The following SHC3 variants were observed in gnomAD, a reference collection of about 807,000 sequenced individuals.
SHC3 encodes SHC-transforming protein 3.
Under a neutral mutation model 60.4 loss-of-function variants are expected in SHC3, and 15 were observed. The observed-to-expected ratio is 0.25, with a 90% CI of 0.17 to 0.38. The LOEUF (loss-of-function observed/expected upper bound fraction) is 0.38, where lower values mean the gene tolerates loss of function less well. Among genes scored for constraint, SHC3 ranks in the 10% least tolerant of loss-of-function variants. SHC3 has a pLI of 1.00. For missense variants in SHC3, 677 were observed against 786.1 expected (o/e 0.86, Z 1.66); for synonymous variants, 294 against 325.9 (o/e 0.90, Z 1.05).
At chr9:89,046,479 C>T (rs1335885018) in intron 8 of SHC3, among the ~76,000 whole-genome samples, 5 of 152,110 alleles carry the variant, frequency 3.3e-5, no homozygotes, top group African/African-American at 7.2e-5. Flanking sequence ...TCATTTTAAG[C>T]GTCTATATTC....
At chr9:89,168,217 G>T (rs1263349645) in intron 1 of SHC3, among the ~76,000 whole-genome samples, 1 of 152,224 alleles carries the variant, frequency 6.6e-6, no homozygotes, top group East Asian at 1.9e-4. Context: ...TGTAATCCCA[G>T]CACTTTGGGA....
At chr9:89,027,336 T>TTTTTTTTTTC in intron 11 of SHC3, among the ~76,000 whole-genome samples, 1 of 150,512 alleles carries the variant, frequency 6.6e-6, no homozygotes, top group Admixed American at 6.6e-5. Flanking sequence ...GATTTTTTTT[T>TTTTTTTTTTC]TTTGAGACTG....
intron 6 of SHC3, among the ~76,000 whole-genome samples, chr9:89,059,129 A>ATG (rs1587702370): frequency 1.7e-5 from 2 of 117,484 alleles, no homozygotes; most frequent in African/African-American, 6.7e-5. Flanking sequence ...GTGGTGGAGG[A>ATG]CGGTGGTGGA....
At chr9:89,101,732 A>T (rs925360788) in intron 2 of SHC3, among the ~76,000 whole-genome samples, 19 of 151,830 alleles carry the variant, frequency 1.3e-4, no homozygotes, top group Non-Finnish European at 2.8e-4. Context: ...TCTTTTTGAC[A>T]TATCGCTTGA....
rs944481 is a variant in SHC3 at position 89,038,372 on chromosome 9, G to A, written c.1361-84C>T. On this transcript the variant is annotated intron_variant, in intron 10 of 11. Coordinates refer to ENST00000375835, the MANE Select transcript of SHC3 (RefSeq NM_016848.6). ...AAAAAAAAAAAAAAATACAGTGAGA[G>A]AGATGGAAATGCAAAGGCAACTCCT... The A allele has an allele frequency of 1.1e-4, 158 of 1,404,940 alleles. 1 individual carries two copies. Among genetic ancestry groups the A allele is most frequent in the Middle Eastern group, 6.2e-4 (3 of 4,854 alleles). The allele number at this position is 1,404,940 out of a possible 1,614,324, so 87.0% of individuals were successfully genotyped here.
In SHC3 at chr9:89,029,482, C is replaced by T. The variant is rs571485428; in HGVS notation, c.1656+8511G>A. Among the ~76,000 whole-genome samples, 67 of 152,122 alleles carry T rather than the reference C, an allele frequency of 4.4e-4. No homozygotes were observed. The South Asian group carries it at 0.01, about 23-fold the overall frequency. ...TGACTGAAAAACATATTTTCAGACA[C>T]GCAAGGATGAGAAAATTTATGCTCA... On this transcript the variant is annotated intron_variant, in intron 11 of 11. Transcript: ENST00000375835.
chr9:89,066,855 G>C (rs953944256), intron 5 of SHC3, among the ~76,000 whole-genome samples: 2 of 152,154 alleles, frequency 1.3e-5, no homozygotes, highest in African/African-American at 4.8e-5. Context: ...ATGAGGGAGA[G>C]AATGAGTATG....
chr9:89,079,462 G>A (rs978177822), intron 2 of SHC3, among the ~76,000 whole-genome samples: 1 of 152,172 alleles, frequency 6.6e-6, no homozygotes, highest in Non-Finnish European at 1.5e-5. Context: ...ACATGCTGAA[G>A]TGTCTCCCTT....
chr9:89,051,967 A>T, intron 7 of SHC3, 70 bp downstream of exon 7: 1 of 1,589,282 alleles, frequency 6.3e-7, no homozygotes. Context: ...CAGCTCAGGG[A>T]TGTGGTTTTA....
chr9:89,039,220 T>G (rs924338282), intron 10 of SHC3, among the ~76,000 whole-genome samples: 1 of 152,230 alleles, frequency 6.6e-6, no homozygotes, highest in East Asian at 1.9e-4. Flanking sequence ...TTCCTGAGCA[T>G]AACTACACCC....
At chr9:89,143,118 T>C (rs973386757) in intron 1 of SHC3, among the ~76,000 whole-genome samples, 1 of 152,184 alleles carries the variant, frequency 6.6e-6, no homozygotes, top group Non-Finnish European at 1.5e-5. Context: ...GAATGGCTAC[T>C]CCGTAGACAG....
In SHC3 at chr9:89,150,207, C is replaced by T. The variant is rs529957460; in HGVS notation, c.474+27780G>A. Among the ~76,000 whole-genome samples the T allele has an allele frequency of 2.6e-5, 4 of 152,182 alleles. 1 individual carries two copies. In the South Asian group the frequency reaches 8.3e-4, roughly 32 times the overall value. ...AGCACGTATGGGGTTCAGTATTATC[C>T]ATGATCACAGATACCCACTGGGGGT... On this transcript the variant is annotated intron_variant, in intron 1 of 11. Coordinates refer to ENST00000375835, the MANE Select transcript of SHC3 (RefSeq NM_016848.6).
At chr9:89,026,277 A>G (rs1273120960) in intron 11 of SHC3, among the ~76,000 whole-genome samples, 3 of 150,834 alleles carry the variant, frequency 2.0e-5, no homozygotes, top group South Asian at 2.1e-4. Flanking sequence ...AAAAAAAACA[A>G]GAAAAGAAAA....
intron 1 of SHC3, among the ~76,000 whole-genome samples, chr9:89,128,221 ATTAAATTGTCTTCAAAAT>A (rs1477935920): frequency 6.6e-6 from 1 of 152,220 alleles, no homozygotes; most frequent in Non-Finnish European, 1.5e-5. Context: ...TATTAGTAAA[ATTAAATTGTCTTCAAAAT>A]TTAGACATTT....
At chr9:89,091,351 A>T (rs1026198115) in intron 2 of SHC3, among the ~76,000 whole-genome samples, 1 of 152,242 alleles carries the variant, frequency 6.6e-6, no homozygotes, top group African/African-American at 2.4e-5. Context: ...TTACCAGTGG[A>T]CTGAAATTAG....
chr9:89,137,020 GGATGGA>G (rs975028003), intron 1 of SHC3, among the ~76,000 whole-genome samples: 53 of 152,276 alleles, frequency 3.5e-4, no homozygotes, highest in African/African-American at 1.3e-3. Context: ...GCTTGGAGCA[GGATGGA>G]GAGAGAGTGA....
intron 11 of SHC3, among the ~76,000 whole-genome samples, chr9:89,017,121 T>C (rs986292763): frequency 6.6e-6 from 1 of 152,216 alleles, no homozygotes; most frequent in Non-Finnish European, 1.5e-5. Flanking sequence ...TACCATTGAC[T>C]TTCTTCATAG....
chr9:89,160,089 C>T (rs1004266317), intron 1 of SHC3, among the ~76,000 whole-genome samples: 1 of 152,218 alleles, frequency 6.6e-6, no homozygotes, highest in South Asian at 2.1e-4. Context: ...AGGATTTTAA[C>T]CCTGATTGAG....
chr9:89,125,861 C>A (rs1826156775), intron 1 of SHC3, among the ~76,000 whole-genome samples: 2 of 152,162 alleles, frequency 1.3e-5, no homozygotes, highest in Non-Finnish European at 2.9e-5. Flanking sequence ...CATTGTTCAG[C>A]AAATAATCAA....
Sources: gnomAD v4.1 joint callset for allele counts (sites outside exome capture counted in the v4.1 genomes callset) on GRCh38, gnomAD v4.1.1 for gene constraint, MANE v1.5 for transcripts, NCBI Gene and HGNC (gene_info 2026-07-23, HGNC 2026-07-21) for gene names.